The following ADGRB1 variants were observed in gnomAD, a reference collection of about 807,000 sequenced individuals.
ADGRB1 encodes the protein adhesion G protein-coupled receptor B1.
ADGRB1 carries 36 observed loss-of-function variants against 175.7 expected under a neutral mutation model. That is an observed-to-expected ratio of 0.20 (90% CI 0.16 to 0.27). The LOEUF (loss-of-function observed/expected upper bound fraction) is 0.27, where lower values mean the gene tolerates loss of function less well. Ranked by LOEUF, ADGRB1 falls within the 10% of genes least tolerant of loss-of-function variation. The pLI, the probability that ADGRB1 is intolerant of heterozygous loss-of-function variation, is 1.00. For synonymous variants in ADGRB1, 1,054 were observed against 979.4 expected (o/e 1.08, Z -1.42); for missense variants, 1,731 against 2,255.3 (o/e 0.77, Z 4.71).
intron 27 of ADGRB1, chr8:142,539,625 G>A: frequency 1.6e-6 from 1 of 620,656 alleles, no homozygotes; most frequent in Non-Finnish European, 2.8e-6. Flanking sequence ...GAGGCCGAAG[G>A]AGGGTCCATG....
intron 12 of ADGRB1, 95 bp downstream of exon 12, chr8:142,484,140 G>A (rs930067220): frequency 2.3e-5 from 25 of 1,096,084 alleles, no homozygotes; most frequent in South Asian, 7.4e-5. Flanking sequence ...GTGGGGTCCC[G>A]CCGGGTGCTC....
chr8:142,516,642 GGTGTGT>G (rs10638916), intron 18 of ADGRB1, among the ~76,000 whole-genome samples: 2 of 130,280 alleles, frequency 1.5e-5, no homozygotes, highest in Non-Finnish European at 3.2e-5. Flanking sequence ...GCGGGTCCCA[GGTGTGT>G]GTGTGTGTGT....
At chr8:142,516,662 T>TGTGG (rs1563731799) in intron 18 of ADGRB1, among the ~76,000 whole-genome samples, 2 of 126,666 alleles carry the variant, frequency 1.6e-5, no homozygotes, top group African/African-American at 3.2e-5. Flanking sequence ...TGTGTGTGTG[T>TGTGG]GGGTCCCAGG....
chr8:142,464,371 C>A lies in ADGRB1; in HGVS notation c.173C>A (p.Ala58Asp). The change falls in exon 2 of 31, where the codon GCC becomes GAC. Residue 58 changes from alanine to aspartate, a missense_variant. Physicochemically the swap from Ala to Asp is moderately radical, Grantham distance 126. Transcript: ENST00000517894. ...AAGTTCTTCGGCTACTTCTCCGCGG[C>A]CGCCGTGTTCCCGGCCAACGCCTCG... Reference protein sequence around the residue: ...QGKFFGYFSAAAVFPANASRC... With the variant: ...QGKFFGYFSADAVFPANASRC... 1 of 1,522,558 alleles carries A rather than the reference C, an allele frequency of 6.6e-7. No individual in the cohort carries two copies. Among genetic ancestry groups the A allele is most frequent in the South Asian group, 1.2e-5 (1 of 81,274 alleles). The allele number at this position is 1,522,558 out of a possible 1,614,324, so 94.3% of individuals were successfully genotyped here.
chr8:142,465,661 G>A (rs1347471501), intron 2 of ADGRB1, among the ~76,000 whole-genome samples: 1 of 152,126 alleles, frequency 6.6e-6, no homozygotes, highest in Non-Finnish European at 1.5e-5. Flanking sequence ...ACGAAGACAC[G>A]AGCAGCCAGG....
chr8:142,464,946 A>G lies in ADGRB1; in HGVS notation c.748A>G (p.Ser250Gly). The change falls in exon 2 of 31, where the codon AGC becomes GGC. Residue 250 changes from serine (S) to glycine (G), a missense_variant. Transcript: ENST00000517894. ...TGGTGGCCCTGAAAACTGCCTCACC[A>G]GCCTGACCCAGGACCGGGGCGGGCA... is the stretch of plus-strand genomic sequence containing the variant. The part of the protein sequence containing the change: ...VAGGPENCLT[S>G]LTQDRGGHGA... 4 of 1,527,988 alleles carry G rather than the reference A, an allele frequency of 2.6e-6. No homozygotes were observed. Among genetic ancestry groups the G allele is most frequent in the Non-Finnish European group, 3.5e-6 (4 of 1,142,802 alleles). The allele number at this position is 1,527,988 out of a possible 1,614,324, so 94.7% of individuals were successfully genotyped here. A position where few individuals can be genotyped will look rare whatever the true frequency, so the allele number is the denominator to read the frequency against.
intron 13 of ADGRB1, among the ~76,000 whole-genome samples, chr8:142,485,459 G>A (rs118061072): frequency 0.035 from 5,402 of 152,332 alleles, 144 homozygotes; most frequent in South Asian, 0.07. Context: ...GGGAGGCCGA[G>A]GTGGGAGGAT....
At chr8:142,502,662 A>C (rs114430573) in intron 17 of ADGRB1, among the ~76,000 whole-genome samples, 5 of 148,430 alleles carry the variant, frequency 3.4e-5, no homozygotes, top group South Asian at 2.1e-4. Context: ...GGTGATGGTG[A>C]TGGTGGTAGT....
At chr8:142,522,212 A>G (rs988431575) in intron 21 of ADGRB1, 97 bp downstream of exon 21, 1 of 1,484,064 alleles carries the variant, frequency 6.7e-7, no homozygotes, top group African/African-American at 1.4e-5. Flanking sequence ...TCCCCTGTGG[A>G]CCCCTGGGGC....
At chr8:142,535,641 G>A in intron 25 of ADGRB1, among the ~76,000 whole-genome samples, 1 of 152,210 alleles carries the variant, frequency 6.6e-6, no homozygotes, top group East Asian at 1.9e-4. Flanking sequence ...AGGTGGGCAA[G>A]TCAGTCCCTC....
intron 18 of ADGRB1, among the ~76,000 whole-genome samples, chr8:142,516,737 T>G (rs1409780637): frequency 1.3e-5 from 2 of 150,862 alleles, no homozygotes; most frequent in Non-Finnish European, 3.0e-5. Flanking sequence ...TGTCTGTGTG[T>G]GGGTCCCAGG....
intron 27 of ADGRB1, 129 bp from the exon 28 acceptor site, chr8:142,541,812 G>A (rs1845287265): frequency 8.0e-6 from 8 of 1,001,690 alleles, no homozygotes; most frequent in Non-Finnish European, 1.1e-5. Flanking sequence ...TACCCAGCAG[G>A]ACCTGGCCAG....
At position 142,474,426 on chromosome 8, in the gene ADGRB1, C is replaced by T. The variant is rs990587965; in HGVS notation, c.785-1048C>T. ...GGCTGCATGCCCTTTCCAAGTCGCC[C>T]GACCCTGCTGCACAGGGTGTACATG... is the stretch of plus-strand genomic sequence containing the variant. On this transcript the variant is annotated intron_variant, in intron 2 of 30. Coordinates refer to ENST00000517894, the MANE Select transcript of ADGRB1 (RefSeq NM_001702.3). This position sits in a 1 kb window ranked among gnomAD's most constrained non-coding sequence, Gnocchi z 5.8. Among the ~76,000 whole-genome samples the T allele has an allele frequency of 6.6e-6, 1 of 152,160 alleles. No homozygotes were observed. The highest frequency in any genetic ancestry group is 2.4e-5 in the African/African-American group (1 of 41,436).
chr8:142,490,327 A>G (rs1385124375), intron 16 of ADGRB1, among the ~76,000 whole-genome samples: 2 of 152,152 alleles, frequency 1.3e-5, no homozygotes, highest in Non-Finnish European at 2.9e-5. Flanking sequence ...TGGCAGTGCT[A>G]GTGTGTGGCA....
At position 142,541,973 on chromosome 8, in the gene ADGRB1, G is replaced by A; in HGVS notation, c.3739G>A (p.Ala1247Thr). 1 of 1,573,836 alleles carries A rather than the reference G, an allele frequency of 6.4e-7. No individual in the cohort carries two copies. Among genetic ancestry groups the A allele is most frequent in the African/African-American group, 1.4e-5 (1 of 73,872 alleles). ...LNKDIAACRT[A>T]TITGTLKRPS... ...CAAGGACATCGCGGCCTGCCGCACT[G>A]CCACCATCACGGGCACACTGAAGCG... Residue 1247 changes from alanine to threonine, a missense_variant, in exon 28 of 31, where the codon GCC (alanine) becomes ACC (threonine). Physicochemically the swap from Ala to Thr is moderately conservative, Grantham distance 58. Transcript: ENST00000517894.
intron 17 of ADGRB1, among the ~76,000 whole-genome samples, chr8:142,497,623 G>T (rs1453924479): frequency 6.6e-6 from 1 of 152,216 alleles, no homozygotes; most frequent in Admixed American, 6.5e-5. Flanking sequence ...CTTGGGTGGG[G>T]CCTCGGGGAC....
In ADGRB1 at chr8:142,491,365, C is replaced by G. The variant is rs558381302; in HGVS notation, c.2675+550C>G. On this transcript the variant is annotated intron_variant, in intron 17 of 30. Coordinates refer to ENST00000517894, the MANE Select transcript of ADGRB1 (RefSeq NM_001702.3). ...GCACAGCTGGAGCAAGTTCCACGCCCCATGTGGGGTTCCGCAAGGAGCAGT... is the reference window on the plus strand; with the variant it reads ...GCACAGCTGGAGCAAGTTCCACGCCGCATGTGGGGTTCCGCAAGGAGCAGT... 1.1e-4 allele frequency among the ~76,000 whole-genome samples: 17 copies of G among 152,332 alleles called. No homozygotes were observed. In the East Asian group the frequency reaches 3.1e-3, roughly 28 times the overall value.
At chr8:142,524,179 G>A in intron 22 of ADGRB1, 59 bp from the exon 23 acceptor site, 1 of 1,540,686 alleles carries the variant, frequency 6.5e-7, no homozygotes, top group South Asian at 1.2e-5. Context: ...GAGGCCGGCA[G>A]CACCTCTCTG....
intron 24 of ADGRB1, 117 bp downstream of exon 24, chr8:142,526,744 C>T: frequency 9.3e-7 from 1 of 1,073,554 alleles, no homozygotes; most frequent in South Asian, 1.4e-5. Flanking sequence ...TCCAGGGACC[C>T]CGGAGCGGGT....
Sources: gnomAD v4.1 joint callset for allele counts (sites outside exome capture counted in the v4.1 genomes callset) on GRCh38, gnomAD v4.1.1 for gene constraint, Gnocchi (gnomAD v3.1) non-coding constraint, MANE v1.5 for transcripts, NCBI Gene and HGNC (gene_info 2026-07-23, HGNC 2026-07-21) for gene names.